The following COG5 variants were observed in gnomAD, a reference collection of about 807,000 sequenced individuals.
COG5 encodes component of oligomeric golgi complex 5.
A neutral mutation model predicts 110.4 loss-of-function variants in COG5; 86 were observed. The ratio of observed to expected loss-of-function variants is 0.78; its 90% confidence interval spans 0.65 to 0.93. The LOEUF (loss-of-function observed/expected upper bound fraction) is 0.93. Among genes scored for constraint, COG5 ranks in the 40% least tolerant of loss-of-function variants. The probability of loss-of-function intolerance (pLI) is 0.00; values close to 1 mark genes in which losing one functional copy is unlikely to be tolerated. For missense variants in COG5, 1,077 were observed against 987.0 expected, an observed-to-expected ratio of 1.09 and a Z score of -1.22; for synonymous variants, 360 against 334.6, an observed-to-expected ratio of 1.08 and a Z score of -0.83.
At chr7:107,339,452 A>G (rs1035466411) in intron 10 of COG5, among the ~76,000 whole-genome samples, 3 of 152,132 alleles carry the variant, frequency 2.0e-5, no homozygotes, top group African/African-American at 7.2e-5. Flanking sequence ...CACTGAGAGC[A>G]TTCCATAGAT....
chr7:107,213,118 G>T (rs946723224), intron 19 of COG5, among the ~76,000 whole-genome samples: 4 of 152,048 alleles, frequency 2.6e-5, no homozygotes, highest in African/African-American at 9.7e-5. Context: ...TGCCAGCAGC[G>T]GCACCTGATC....
At chr7:107,301,677 T>C (rs1007509656) in intron 11 of COG5, among the ~76,000 whole-genome samples, 12 of 152,134 alleles carry the variant, frequency 7.9e-5, no homozygotes, top group African/African-American at 2.7e-4. Context: ...GAGACTAGCC[T>C]GGCCAACATG....
Position 107,258,463 on chromosome 7 carries a change from T to TAC in COG5, c.1576-82_1576-81dup, listed in dbSNP as rs200066090. On this transcript the variant is annotated intron_variant, in intron 14 of 21. Coordinates refer to ENST00000297135, the MANE Select transcript of COG5 (RefSeq NM_006348.5). ...TCTCTCTCTCTCTCACACACACACATACACACACACACACACATTCTTTAA... is the reference window on the plus strand; with the variant it reads ...TCTCTCTCTCTCTCACACACACACATACACACACACACACACACATTCTTTAA... The TAC allele has an allele frequency of 5.0e-3, 3,024 of 607,008 alleles. 14 individuals are homozygous for TAC. Among genetic ancestry groups the TAC allele is most frequent in the East Asian group, 0.049 (1,591 of 32,538 alleles). 37.6% of individuals were successfully genotyped at this position (607,008 alleles called of 1,614,324 possible).
At chr7:107,366,280 G>A (rs1813604149) in intron 8 of COG5, among the ~76,000 whole-genome samples, 2 of 152,080 alleles carry the variant, frequency 1.3e-5, no homozygotes, top group South Asian at 4.1e-4. Context: ...GATACTGGAA[G>A]CAAAGTGAAA....
At chr7:107,504,967 G>A (rs1428644428) in intron 6 of COG5, among the ~76,000 whole-genome samples, 9 of 152,024 alleles carry the variant, frequency 5.9e-5, no homozygotes, top group African/African-American at 2.2e-4. Context: ...GGTGCTTTCA[G>A]GGGTGGAAAC....
At chr7:107,558,558 C>A (rs909680852) in intron 1 of COG5, among the ~76,000 whole-genome samples, 1 of 149,988 alleles carries the variant, frequency 6.7e-6, no homozygotes, top group African/African-American at 2.5e-5. Context: ...GAGCCGAGAT[C>A]GTGCCATTGC....
chr7:107,368,408 T>C (rs1813819693), intron 8 of COG5, among the ~76,000 whole-genome samples: 2 of 152,070 alleles, frequency 1.3e-5, no homozygotes, highest in African/African-American at 2.4e-5. Flanking sequence ...CAGGAAGTTA[T>C]CAATATAAAA....
At chr7:107,510,267 A>T (rs1371697501) in intron 6 of COG5, among the ~76,000 whole-genome samples, 12 of 152,128 alleles carry the variant, frequency 7.9e-5, no homozygotes, top group Admixed American at 3.3e-4. Context: ...GATAAAACAG[A>T]CTTTAAACCA....
intron 6 of COG5, among the ~76,000 whole-genome samples, chr7:107,509,693 G>C (rs1033462716): frequency 6.6e-6 from 1 of 151,598 alleles, no homozygotes; most frequent in Non-Finnish European, 1.5e-5. Context: ...GACTAACAGC[G>C]GATCTCTCGG....
chr7:107,538,319 C>T (rs1051032793), intron 5 of COG5, among the ~76,000 whole-genome samples: 1 of 152,194 alleles, frequency 6.6e-6, no homozygotes, highest in Non-Finnish European at 1.5e-5. Flanking sequence ...AAATAGCACA[C>T]CTGGTCTGAC....
At chr7:107,335,402 A>C (rs960851003) in intron 10 of COG5, among the ~76,000 whole-genome samples, 1 of 152,178 alleles carries the variant, frequency 6.6e-6, no homozygotes, top group Non-Finnish European at 1.5e-5. Context: ...AAAGTAATAA[A>C]ATAAAACAAA....
chr7:107,511,852 A>G (rs973525977), intron 6 of COG5, among the ~76,000 whole-genome samples: 10 of 152,240 alleles, frequency 6.6e-5, no homozygotes, highest in African/African-American at 2.4e-4. Flanking sequence ...ACAACACTTC[A>G]TGCTAAAAAC....
At chr7:107,422,623 G>C (rs1229808144) in intron 6 of COG5, among the ~76,000 whole-genome samples, 1 of 151,418 alleles carries the variant, frequency 6.6e-6, no homozygotes, top group African/African-American at 2.4e-5. Flanking sequence ...ATATGTAGTT[G>C]TCCTTGGAGT....
intron 7 of COG5, among the ~76,000 whole-genome samples, chr7:107,398,620 G>A (rs1360483556): frequency 1.3e-5 from 2 of 152,148 alleles, no homozygotes; most frequent in African/African-American, 4.8e-5. Context: ...AGTCCCTGGT[G>A]TCAAAAAGGC....
intron 7 of COG5, among the ~76,000 whole-genome samples, chr7:107,399,113 A>G (rs991362417): frequency 2.0e-5 from 3 of 152,098 alleles, no homozygotes; most frequent in Non-Finnish European, 4.4e-5. Context: ...GAGGCAGGAA[A>G]ATTGCTTGAT....
At chr7:107,412,675 GAATA>G in intron 6 of COG5, 43 bp from the exon 7 acceptor site, 1 of 1,108,982 alleles carries the variant, frequency 9.0e-7, no homozygotes, top group Non-Finnish European at 1.3e-6. Flanking sequence ...TTTCAATACT[GAATA>G]AATATCAAGG....
Position 107,205,038 on chromosome 7 carries a change from G to A in COG5, c.2376-1408C>T, listed in dbSNP as rs917993007. ...ACATCCAGTCCCTCCTCTCCCCTTC[G>A]CTTCACTTTGAACCCTTGCTATCTT... On this transcript the variant is annotated intron_variant, in intron 21 of 21. Transcript: ENST00000297135. Among the ~76,000 whole-genome samples the A allele has an allele frequency of 3.3e-5, 5 of 152,006 alleles. No homozygotes were observed. In the East Asian group the frequency reaches 7.7e-4, roughly 23 times the overall value.
At chr7:107,364,823 C>G (rs868683856) in intron 8 of COG5, among the ~76,000 whole-genome samples, 8 of 152,214 alleles carry the variant, frequency 5.3e-5, no homozygotes, top group Middle Eastern at 3.4e-3. Context: ...ATAAAATAAT[C>G]TATGAGAAAG....
At chr7:107,514,730 G>C (rs1180191019) in intron 6 of COG5, among the ~76,000 whole-genome samples, 1 of 152,150 alleles carries the variant, frequency 6.6e-6, no homozygotes, top group Non-Finnish European at 1.5e-5. Context: ...TGTGTTTTCA[G>C]TGTCTGGAAT....
Sources: allele counts gnomAD v4.1 joint callset (sites outside exome capture counted in the v4.1 genomes callset), GRCh38; gene constraint gnomAD v4.1.1; transcripts MANE v1.5; gene names NCBI Gene and HGNC (gene_info 2026-07-23, HGNC 2026-07-21).